DNER: variants seen among roughly 807,000 people sequenced by gnomAD.
The protein encoded by DNER is delta/notch like EGF repeat containing, also known as delta and Notch-like epidermal growth factor-related receptor.
A neutral mutation model predicts 78.2 loss-of-function variants in DNER; 33 were observed. That is an observed-to-expected ratio of 0.42 (90% confidence interval 0.32 to 0.56). The LOEUF is 0.56. Ranked by LOEUF, DNER falls within the 20% of genes least tolerant of loss-of-function variation. The pLI, the probability that DNER is intolerant of heterozygous loss-of-function variation, is 0.11. For synonymous variants in DNER, 417 were observed against 384.8 expected (o/e 1.08, Z -0.98); for missense variants, 918 against 975.3 (o/e 0.94, Z 0.78).
intron 1 of DNER, among the ~76,000 whole-genome samples, chr2:229,650,480 G>T (rs1386097309): frequency 6.6e-6 from 1 of 152,144 alleles, no homozygotes; most frequent in African/African-American, 2.4e-5. Context: ...CTGAAAAGCA[G>T]GTTTCATCCC....
At chr2:229,576,320 T>TTC (rs1559171740) in intron 4 of DNER, among the ~76,000 whole-genome samples, 10 of 136,616 alleles carry the variant, frequency 7.3e-5, no homozygotes, top group Non-Finnish European at 9.3e-5. Context: ...TGATGAAAGT[T>TTC]TCTCTCTCTT....
intron 1 of DNER, among the ~76,000 whole-genome samples, chr2:229,684,350 G>A (rs1699448647): frequency 6.6e-6 from 1 of 151,742 alleles, no homozygotes; most frequent in African/African-American, 2.4e-5. Flanking sequence ...TCTCTCCCGA[G>A]CACCCACCAT....
intron 11 of DNER, among the ~76,000 whole-genome samples, chr2:229,367,914 T>C (rs1692387647): frequency 6.6e-6 from 1 of 152,230 alleles, no homozygotes; most frequent in African/African-American, 2.4e-5. Context: ...AAGATGCTTA[T>C]CTTCATATCA....
intron 4 of DNER, among the ~76,000 whole-genome samples, chr2:229,554,941 A>AAGG (rs1696829231): frequency 1.4e-3 from 37 of 25,618 alleles, no homozygotes; most frequent in Admixed American, 3.8e-3. Context: ...AGAAGAGAGA[A>AAGG]AAGGGAAGGG....
chr2:229,453,357 T>TG (rs148894071), intron 7 of DNER, among the ~76,000 whole-genome samples: 51,682 of 152,076 alleles, frequency 0.34, 9,866 homozygotes, highest in South Asian at 0.43. Context: ...GGGAGGGTTA[T>TG]GAGTTCAGCT....
At chr2:229,624,812 T>C (rs1698308976) in intron 1 of DNER, among the ~76,000 whole-genome samples, 1 of 152,242 alleles carries the variant, frequency 6.6e-6, no homozygotes, top group African/African-American at 2.4e-5. Context: ...AACACCTTTG[T>C]ATTTGTGTAC....
chr2:229,493,878 T>G (rs1470244546), intron 6 of DNER, among the ~76,000 whole-genome samples: 1 of 151,972 alleles, frequency 6.6e-6, no homozygotes, highest in Non-Finnish European at 1.5e-5. Context: ...TAGAAAAGGG[T>G]AAGAGTGGCA....
intron 6 of DNER, among the ~76,000 whole-genome samples, chr2:229,499,963 C>T (rs1396795369): frequency 2.7e-5 from 4 of 146,130 alleles, no homozygotes; most frequent in Non-Finnish European, 6.0e-5. Context: ...AAGACAGAGT[C>T]TCACTCTGTC....
intron 1 of DNER, among the ~76,000 whole-genome samples, chr2:229,614,033 G>A (rs184560625): frequency 6.6e-6 from 1 of 150,994 alleles, no homozygotes; most frequent in Non-Finnish European, 1.5e-5. Flanking sequence ...TTGTGGGGTG[G>A]GGGGGAGCGG....
intron 10 of DNER, among the ~76,000 whole-genome samples, chr2:229,392,074 C>T (rs1217750655): frequency 6.6e-6 from 1 of 151,982 alleles, no homozygotes. Context: ...ATCATAATAT[C>T]TAGTATTAAA....
In DNER at chr2:229,358,666, A is replaced by G. The variant is rs757026708; in HGVS notation, c.2103-15T>C. On this transcript the variant is annotated splice_polypyrimidine_tract_variant and intron_variant, in intron 12 of 12. Transcript: ENST00000341772. ...TCTTTCCAAACCTGAAATCAGAGAG[A>G]AAGGACTCTGGTTAGATAAATACTA... The G allele has an allele frequency of 6.2e-7, 1 of 1,607,444 alleles. No homozygotes were observed. The highest frequency in any genetic ancestry group is 8.5e-7 in the Non-Finnish European group (1 of 1,175,118).
At chr2:229,597,711 G>C (rs1400993255) in intron 1 of DNER, among the ~76,000 whole-genome samples, 1 of 152,222 alleles carries the variant, frequency 6.6e-6, no homozygotes, top group African/African-American at 2.4e-5. Flanking sequence ...ATGGTCTTCT[G>C]CTTACAGTGA....
chr2:229,401,558 G>GA (rs200227933), intron 10 of DNER, among the ~76,000 whole-genome samples: 5,239 of 150,542 alleles, frequency 0.035, 143 homozygotes, highest in African/African-American at 0.076. Flanking sequence ...ACGCTGAGTA[G>GA]AAAAAAAAAT....
chr2:229,641,397 A>G (rs565680808), intron 1 of DNER, among the ~76,000 whole-genome samples: 3 of 152,334 alleles, frequency 2.0e-5, no homozygotes, highest in Admixed American at 6.5e-5. Context: ...GGGATATGAC[A>G]GAGTAGAGTT....
chr2:229,519,086 T>C (rs1303741228), intron 5 of DNER, among the ~76,000 whole-genome samples: 1 of 152,180 alleles, frequency 6.6e-6, no homozygotes, highest in Non-Finnish European at 1.5e-5. Flanking sequence ...TGCCTTCTAA[T>C]TTATATATTC....
chr2:229,618,881 G>A (rs955973472), intron 1 of DNER, among the ~76,000 whole-genome samples: 4 of 152,062 alleles, frequency 2.6e-5, no homozygotes, highest in African/African-American at 9.7e-5. Flanking sequence ...GCTTATGTCT[G>A]TAATCCCTTT....
intron 11 of DNER, among the ~76,000 whole-genome samples, chr2:229,385,088 C>T (rs1396635304): frequency 2.1e-5 from 3 of 145,170 alleles, no homozygotes; most frequent in East Asian, 2.1e-4. Context: ...GGCAACAGAG[C>T]GAGACTCCAT....
chr2:229,705,733 T>C lies in DNER; in HGVS notation c.276+8415A>G, dbSNP rs113077625. Among the ~76,000 whole-genome samples, 1,431 of 152,258 alleles carry C rather than the reference T, an allele frequency of 9.4e-3. 19 individuals are homozygous for C. Among genetic ancestry groups the C allele is most frequent in the African/African-American group, 0.033 (1,355 of 41,546 alleles). On this transcript the variant is annotated intron_variant, in intron 1 of 12. Transcript: ENST00000341772. ...ATATTCACTTTTATCAAAATAGCAGTTTGTGTTTATAGAGGGCCAGTTCTG... is the reference window on the plus strand; with the variant it reads ...ATATTCACTTTTATCAAAATAGCAGCTTGTGTTTATAGAGGGCCAGTTCTG...
At chr2:229,640,212 A>G (rs6436882) in intron 1 of DNER, among the ~76,000 whole-genome samples, 146,217 of 152,338 alleles carry the variant, frequency 0.96, 70,312 homozygotes, top group Middle Eastern at 0.99. Context: ...CGTGAAGTAA[A>G]GTCAACACAA....
Sources: gnomAD v4.1 joint callset for allele counts (sites outside exome capture counted in the v4.1 genomes callset) on GRCh38, gnomAD v4.1.1 for gene constraint, MANE v1.5 for transcripts, NCBI Gene and HGNC (gene_info 2026-07-23, HGNC 2026-07-21) for gene names.